CFAP61: variants seen among roughly 807,000 people sequenced by gnomAD.
CFAP61 encodes the protein cilia and flagella associated protein 61.
Under a neutral mutation model 135.6 loss-of-function variants are expected in CFAP61, and 107 were observed. The observed-to-expected ratio is 0.79, with a 90% CI of 0.67 to 0.93. The LOEUF is 0.93. Among genes scored for constraint, CFAP61 ranks in the 40% least tolerant of loss-of-function variants. The pLI is 0.00. For synonymous variants in CFAP61, 575 were observed against 578.5 expected (o/e 0.99, Z 0.09); for missense variants, 1,507 against 1,556.2 (o/e 0.97, Z 0.53).
rs150282989 is a variant in CFAP61 at position 20,206,310 on chromosome 20, A to C, written c.1932+6408A>C. Reference sequence around the variant, plus strand: ...TACAATTCACCCACTTAAACCATACAATTCAAAGGTTTTTAGTATATTCTC... The same window carrying C: ...TACAATTCACCCACTTAAACCATACCATTCAAAGGTTTTTAGTATATTCTC... On this transcript the variant is annotated intron_variant, in intron 17 of 26. Transcript: ENST00000245957. Among the ~76,000 whole-genome samples, 262 of 152,296 alleles carry C rather than the reference A, an allele frequency of 1.7e-3. 2 individuals are homozygous for C. Among genetic ancestry groups the C allele is most frequent in the African/African-American group, 6.1e-3 (253 of 41,576 alleles).
intron 17 of CFAP61, chr20:20,221,798 T>C (rs1194628926): frequency 6.6e-6 from 1 of 152,242 alleles, no homozygotes; most frequent in Admixed American, 6.5e-5. Flanking sequence ...TAATATTTGC[T>C]TCACTAATAT....
At chr20:20,355,843 G>C (rs1291532105) in intron 26 of CFAP61, among the ~76,000 whole-genome samples, 1 of 145,124 alleles carries the variant, frequency 6.9e-6, no homozygotes, top group African/African-American at 2.6e-5. Context: ...TGTGAGGGGA[G>C]GTGGTCACAC....
intron 13 of CFAP61, among the ~76,000 whole-genome samples, chr20:20,175,455 A>G (rs2054538867): frequency 6.6e-6 from 1 of 151,552 alleles, no homozygotes; most frequent in Admixed American, 6.6e-5. Flanking sequence ...TAAAAGTTTA[A>G]GAAGCACTGT....
In CFAP61 at chr20:20,095,422, C is replaced by A. The variant is rs149564552; in HGVS notation, c.700-3233C>A. On this transcript the variant is annotated intron_variant, in intron 7 of 26. Transcript: ENST00000245957. ...TCTGAACAGCCATGGCAGTTCCAGG[C>A]CAGGCATGCAGCATGCCTGAGGGCA... Among the ~76,000 whole-genome samples the A allele has an allele frequency of 9.4e-3, 1,439 of 152,326 alleles. 27 individuals carry two copies. The highest frequency in any genetic ancestry group is 0.033 in the African/African-American group (1,357 of 41,558).
intron 17 of CFAP61, among the ~76,000 whole-genome samples, chr20:20,200,278 G>A (rs550668168): frequency 3.3e-5 from 5 of 152,300 alleles, no homozygotes; most frequent in South Asian, 2.1e-4. Context: ...GTGGTCATTC[G>A]CTGTTAGGAC....
chr20:20,116,753 A>C (rs2049173042), intron 8 of CFAP61, among the ~76,000 whole-genome samples: 1 of 150,384 alleles, frequency 6.6e-6, no homozygotes, highest in Admixed American at 6.6e-5. Flanking sequence ...TCTCTCCCCC[A>C]CCCCTCTACT....
intron 2 of CFAP61, among the ~76,000 whole-genome samples, chr20:20,066,593 C>G (rs1409204038): frequency 1.3e-5 from 2 of 151,690 alleles, no homozygotes; most frequent in African/African-American, 4.9e-5. Flanking sequence ...AACCAAACAC[C>G]ACATGTTCTC....
chr20:20,275,008 G>A (rs1196512694), intron 21 of CFAP61, among the ~76,000 whole-genome samples: 2 of 136,372 alleles, frequency 1.5e-5, no homozygotes, highest in Non-Finnish European at 3.2e-5. Flanking sequence ...CAGAGTGGAC[G>A]TCCTCACTCC....
At chr20:20,257,635 A>G (rs1468562363) in intron 20 of CFAP61, among the ~76,000 whole-genome samples, 1 of 151,306 alleles carries the variant, frequency 6.6e-6, no homozygotes, top group Non-Finnish European at 1.5e-5. Flanking sequence ...AAACAAAAAA[A>G]AAAAAGAAAA....
intron 9 of CFAP61, among the ~76,000 whole-genome samples, chr20:20,154,840 C>T (rs1431736026): frequency 3.9e-5 from 6 of 152,126 alleles, no homozygotes; most frequent in Non-Finnish European, 8.8e-5. Context: ...GTGAAAATGA[C>T]TATACTGCCA....
intron 25 of CFAP61, among the ~76,000 whole-genome samples, chr20:20,309,575 G>C (rs757834026): frequency 6.6e-6 from 1 of 152,164 alleles, no homozygotes; most frequent in Non-Finnish European, 1.5e-5. Context: ...CAGAACCAGA[G>C]TTTCCTGACT....
At chr20:20,053,631 C>G (rs993759013) in intron 1 of CFAP61, among the ~76,000 whole-genome samples, 1 of 152,104 alleles carries the variant, frequency 6.6e-6, no homozygotes. Context: ...ATATTACTTT[C>G]AACAAAAGAT....
intron 13 of CFAP61, among the ~76,000 whole-genome samples, chr20:20,185,650 G>A (rs1184565468): frequency 6.6e-6 from 1 of 152,156 alleles, no homozygotes; most frequent in African/African-American, 2.4e-5. Context: ...GGGATGTAGT[G>A]TACTTTAGCT....
chr20:20,310,299 T>C (rs997689082), intron 25 of CFAP61, among the ~76,000 whole-genome samples: 8 of 152,204 alleles, frequency 5.3e-5, no homozygotes, highest in African/African-American at 1.9e-4. Context: ...TAGTTAACTT[T>C]GGAACCTACT....
intron 25 of CFAP61, among the ~76,000 whole-genome samples, chr20:20,301,539 T>C (rs1055846306): frequency 6.6e-6 from 1 of 152,230 alleles, no homozygotes; most frequent in African/African-American, 2.4e-5. Flanking sequence ...CAAGCCTTGG[T>C]ACTGTTAGAC....
At chr20:20,063,278 A>G (rs1568806513) in intron 2 of CFAP61, among the ~76,000 whole-genome samples, 1 of 152,228 alleles carries the variant, frequency 6.6e-6, no homozygotes, top group Non-Finnish European at 1.5e-5. Flanking sequence ...AAGACAGTAC[A>G]AGAAAGGAAA....
chr20:20,081,683 T>C (rs1392021356), intron 6 of CFAP61, among the ~76,000 whole-genome samples: 1 of 152,196 alleles, frequency 6.6e-6, no homozygotes, highest in African/African-American at 2.4e-5. Flanking sequence ...CATTTTTCTC[T>C]TGAAAACTTG....
At chr20:20,324,246 T>TA (rs996415283) in intron 25 of CFAP61, among the ~76,000 whole-genome samples, 4 of 151,530 alleles carry the variant, frequency 2.6e-5, no homozygotes, top group East Asian at 1.9e-4. Flanking sequence ...ACATGGCTGT[T>TA]AAAAAAAAAT....
At chr20:20,063,141 A>G (rs992142533) in intron 2 of CFAP61, among the ~76,000 whole-genome samples, 1 of 152,246 alleles carries the variant, frequency 6.6e-6, no homozygotes, top group African/African-American at 2.4e-5. Context: ...CTTTATAAGC[A>G]GTCCTACCAA....
Sources: allele counts gnomAD v4.1 joint callset (sites outside exome capture counted in the v4.1 genomes callset), GRCh38; gene constraint gnomAD v4.1.1; transcripts MANE v1.5; gene names NCBI Gene and HGNC (gene_info 2026-07-23, HGNC 2026-07-21).